The following NTM variants were observed in gnomAD, a reference collection of about 807,000 sequenced individuals.
The protein encoded by NTM is neurotrimin.
In NTM, 13 loss-of-function variants were observed where a neutral mutation model predicts 42.1. The ratio of observed to expected loss-of-function variants is 0.31; its 90% confidence interval spans 0.20 to 0.49. NTM has a LOEUF of 0.49. Among genes scored for constraint, NTM ranks in the 20% least tolerant of loss-of-function variants. NTM has a pLI of 0.99. For missense variants in NTM, 373 were observed against 452.8 expected, an observed-to-expected ratio of 0.82 and a Z score of 1.60; for synonymous variants, 187 against 179.2, an observed-to-expected ratio of 1.04 and a Z score of -0.35.
chr11:132,293,416 G>T (rs1424638413), intron 4 of NTM, among the ~76,000 whole-genome samples: 1 of 152,302 alleles, frequency 6.6e-6, no homozygotes, highest in East Asian at 1.9e-4. Context: ...TGAGGTGGAG[G>T]CATCTCTCCA....
rs148699196 is a variant in NTM at position 132,176,722 on chromosome 11, GTT to G, written c.400+30231_400+30232del. Among the ~76,000 whole-genome samples, 10 of 82,012 alleles carry G rather than the reference GTT, an allele frequency of 1.2e-4. No homozygotes were observed. The Admixed American group carries it at 1.3e-3, about 11-fold the overall frequency. 53.8% of individuals were successfully genotyped at this position (82,012 alleles called of 152,430 possible). A position where few individuals can be genotyped will look rare whatever the true frequency, so the allele number is the denominator to read the frequency against. On this transcript the variant is annotated intron_variant, in intron 3 of 8. Coordinates refer to ENST00000683400, the MANE Select transcript of NTM (RefSeq NM_001352005.2). Reference sequence around the variant, plus strand: ...TCCTAGTTGAGTATACATGCCTAAAGTTTTTTTTTTTTTTTTTTTTTTTTAGA... The same window carrying G: ...TCCTAGTTGAGTATACATGCCTAAAGTTTTTTTTTTTTTTTTTTTTTTAGA...
chr11:132,335,322 A>T lies in NTM; in HGVS notation c.*176A>T, dbSNP rs909758178. 3 of 685,076 alleles carry T rather than the reference A, an allele frequency of 4.4e-6. No homozygotes were observed. Among genetic ancestry groups the T allele is most frequent in the Admixed American group, 6.4e-5 (2 of 31,348 alleles). 42.4% of individuals were successfully genotyped at this position (685,076 alleles called of 1,614,324 possible). A position where few individuals can be genotyped will look rare whatever the true frequency, so the allele number is the denominator to read the frequency against. ...ACAAAGAATACTTTGGGGGGAAAAAAGTTTTAAAAAAGAAATTGAAAATTG... is the reference window on the plus strand; with the variant it reads ...ACAAAGAATACTTTGGGGGGAAAAATGTTTTAAAAAAGAAATTGAAAATTG... On this transcript the variant is annotated 3_prime_UTR_variant, in exon 9 of 9. Coordinates refer to ENST00000683400, the MANE Select transcript of NTM (RefSeq NM_001352005.2).
At chr11:131,388,424 G>GTTTTT (rs374892633) in intron 1 of NTM, among the ~76,000 whole-genome samples, 1 of 110,288 alleles carries the variant, frequency 9.1e-6, no homozygotes, top group Admixed American at 9.2e-5. Flanking sequence ...TGGGTTTTGG[G>GTTTTT]TTTTTTTTTT....
chr11:131,954,642 G>A (rs1056737308), intron 2 of NTM, among the ~76,000 whole-genome samples: 1 of 151,638 alleles, frequency 6.6e-6, no homozygotes, highest in African/African-American at 2.4e-5. Flanking sequence ...TTTTTTTAAC[G>A]AAAACATTAT....
chr11:131,480,775 T>A (rs1953491719), intron 1 of NTM, among the ~76,000 whole-genome samples: 2 of 152,022 alleles, frequency 1.3e-5, no homozygotes, highest in Admixed American at 1.3e-4. Context: ...TCTGTCTCCA[T>A]TAACTTCAGT....
At chr11:131,976,113 C>CTCAT (rs1555201495) in intron 2 of NTM, among the ~76,000 whole-genome samples, 1 of 67,254 alleles carries the variant, frequency 1.5e-5, no homozygotes, top group Non-Finnish European at 3.1e-5. Flanking sequence ...CCCTCCCTCC[C>CTCAT]TCATTCCTTC....
intron 3 of NTM, among the ~76,000 whole-genome samples, chr11:132,192,421 A>C (rs148587238): frequency 5.9e-5 from 9 of 152,264 alleles, no homozygotes; most frequent in Admixed American, 5.9e-4. Context: ...ACTAAGCTTC[A>C]TAAGCAAAGG....
intron 1 of NTM, among the ~76,000 whole-genome samples, chr11:131,743,929 C>T (rs1323159676): frequency 6.6e-6 from 1 of 152,132 alleles, no homozygotes; most frequent in Non-Finnish European, 1.5e-5. Context: ...TGGTTATTTC[C>T]ATTTTTCTTA....
At chr11:131,885,587 T>G (rs2050260317) in intron 1 of NTM, among the ~76,000 whole-genome samples, 1 of 152,186 alleles carries the variant, frequency 6.6e-6, no homozygotes, top group African/African-American at 2.4e-5. Context: ...AGCCAGAGCC[T>G]GCCCCCACCC....
intron 1 of NTM, among the ~76,000 whole-genome samples, chr11:131,389,164 T>G (rs377694701): frequency 6.6e-6 from 1 of 152,216 alleles, no homozygotes; most frequent in East Asian, 1.9e-4. Flanking sequence ...CTGAGTGAGA[T>G]GAGCAGCAAC....
chr11:132,198,608 G>A (rs1442504198), intron 3 of NTM, among the ~76,000 whole-genome samples: 1 of 152,194 alleles, frequency 6.6e-6, no homozygotes, highest in Non-Finnish European at 1.5e-5. Context: ...ATGGCTAGTA[G>A]ATAGTAGATT....
At chr11:132,316,223 C>G (rs931246922) in intron 7 of NTM, among the ~76,000 whole-genome samples, 2 of 151,788 alleles carry the variant, frequency 1.3e-5, no homozygotes, top group African/African-American at 2.4e-5. Context: ...TCTCCTTAAG[C>G]CATCTCAGGA....
chr11:131,374,140 G>A (rs927383487), intron 1 of NTM, among the ~76,000 whole-genome samples: 6 of 152,238 alleles, frequency 3.9e-5, no homozygotes, highest in African/African-American at 1.2e-4. Context: ...TGGGCTCTTG[G>A]AAGCATGGCA....
chr11:131,709,455 T>G (rs753093465), intron 1 of NTM, among the ~76,000 whole-genome samples: 6 of 152,134 alleles, frequency 3.9e-5, no homozygotes, highest in Non-Finnish European at 8.8e-5. Context: ...AAGACAGGAT[T>G]AGTTTGAATG....
At chr11:131,839,714 T>C (rs2043981628) in intron 1 of NTM, among the ~76,000 whole-genome samples, 1 of 152,226 alleles carries the variant, frequency 6.6e-6, no homozygotes. Flanking sequence ...TGGATTAGTT[T>C]GCTGCTATGT....
chr11:132,187,563 G>A (rs1366609930), intron 3 of NTM, among the ~76,000 whole-genome samples: 1 of 152,158 alleles, frequency 6.6e-6, no homozygotes, highest in Non-Finnish European at 1.5e-5. Context: ...TGACAAATTT[G>A]CCCTGGGTAA....
At chr11:131,807,372 C>T (rs1412473209) in intron 1 of NTM, among the ~76,000 whole-genome samples, 1 of 152,100 alleles carries the variant, frequency 6.6e-6, no homozygotes, top group Non-Finnish European at 1.5e-5. Context: ...AGCTACAAGG[C>T]CACTTCAAAA....
chr11:131,699,515 A>G (rs60917423), intron 1 of NTM, among the ~76,000 whole-genome samples: 10,647 of 152,220 alleles, frequency 0.07, 1,205 homozygotes, highest in African/African-American at 0.24. Context: ...AGAAATCAGG[A>G]GAACTCCTCC....
intron 2 of NTM, among the ~76,000 whole-genome samples, chr11:132,053,993 A>G (rs2079227384): frequency 6.6e-6 from 1 of 152,206 alleles, no homozygotes; most frequent in Non-Finnish European, 1.5e-5. Flanking sequence ...GGGTGGGCGG[A>G]TCTCTTGAGC....
Sources: allele counts gnomAD v4.1 joint callset (sites outside exome capture counted in the v4.1 genomes callset), GRCh38; gene constraint gnomAD v4.1.1; transcripts MANE v1.5; gene names NCBI Gene and HGNC (gene_info 2026-07-23, HGNC 2026-07-21).